Variants in SYCP2L observed in about 807,000 individuals in gnomAD.
SYCP2L encodes synaptonemal complex protein 2-like.
SYCP2L carries 98 observed loss-of-function variants against 125.8 expected under a neutral mutation model. That is an observed-to-expected ratio of 0.78 (90% CI 0.66 to 0.92). The LOEUF (loss-of-function observed/expected upper bound fraction) is 0.92, where lower values mean the gene tolerates loss of function less well. Among genes scored for constraint, SYCP2L ranks in the 40% least tolerant of loss-of-function variants. The probability of loss-of-function intolerance (pLI) is 0.00; values close to 1 mark genes in which losing one functional copy is unlikely to be tolerated. For missense variants in SYCP2L, 842 were observed against 936.4 expected, an observed-to-expected ratio of 0.90 and a Z score of 1.32; for synonymous variants, 317 against 325.4, an observed-to-expected ratio of 0.97 and a Z score of 0.28.
intron 7 of SYCP2L, 53 bp downstream of exon 7, chr6:10,902,815 G>T (rs1234269558): frequency 7.5e-6 from 12 of 1,609,756 alleles, no homozygotes; most frequent in African/African-American, 1.3e-5. Context: ...CCTAAAAGAA[G>T]ATCGTACATA....
intron 15 of SYCP2L, 34 bp from the exon 16 acceptor site, chr6:10,926,305 A>G (rs1420067208): frequency 2.7e-6 from 4 of 1,500,746 alleles, no homozygotes; most frequent in African/African-American, 2.8e-5. Flanking sequence ...AAAGATGACT[A>G]CATTTCAAAG....
chr6:10,913,923 C>A (rs901149610), intron 14 of SYCP2L, among the ~76,000 whole-genome samples: 1 of 151,980 alleles, frequency 6.6e-6, no homozygotes, highest in African/African-American at 2.4e-5. Flanking sequence ...ACTCTGCCTC[C>A]CAGGTTCAAG....
At chr6:10,973,369 C>A (rs1781808427) in intron 29 of SYCP2L, among the ~76,000 whole-genome samples, 1 of 152,154 alleles carries the variant, frequency 6.6e-6, no homozygotes, top group African/African-American at 2.4e-5. Flanking sequence ...CCCGTCTCTA[C>A]TAAAAATACG....
At chr6:10,950,004 C>A (rs1235909989) in intron 23 of SYCP2L, among the ~76,000 whole-genome samples, 1 of 152,020 alleles carries the variant, frequency 6.6e-6, no homozygotes, top group Non-Finnish European at 1.5e-5. Context: ...AAGTTTTCGT[C>A]CCCTATTTCT....
At chr6:10,940,155 A>T (rs562521510) in intron 21 of SYCP2L, among the ~76,000 whole-genome samples, 16 of 152,340 alleles carry the variant, frequency 1.1e-4, no homozygotes, top group African/African-American at 3.4e-4. Flanking sequence ...ACCTGTCCAG[A>T]TAGCTATTAT....
intron 23 of SYCP2L, among the ~76,000 whole-genome samples, chr6:10,953,474 G>A (rs1480430595): frequency 1.3e-5 from 2 of 152,130 alleles, no homozygotes; most frequent in African/African-American, 4.8e-5. Flanking sequence ...GGCTATTTAG[G>A]TCTCTAAAGC....
chr6:10,923,421 T>C (rs1581827881), intron 14 of SYCP2L, among the ~76,000 whole-genome samples: 1 of 143,784 alleles, frequency 7.0e-6, no homozygotes, highest in Non-Finnish European at 1.5e-5. Flanking sequence ...AGGCTTGCTC[T>C]GTCACCCAGG....
chr6:10,903,911 C>T (rs1561682313), intron 8 of SYCP2L, among the ~76,000 whole-genome samples: 1 of 151,914 alleles, frequency 6.6e-6, no homozygotes, highest in Non-Finnish European at 1.5e-5. Flanking sequence ...AAATTAGTGA[C>T]TCATGGGAGA....
Position 10,911,279 on chromosome 6 carries a change from C to G in SYCP2L, c.918+410C>G, listed in dbSNP as rs919513415. 7.9e-5 allele frequency among the ~76,000 whole-genome samples: 12 copies of G among 152,136 alleles called. No homozygotes were observed. The East Asian group carries it at 2.1e-3, about 27-fold the overall frequency. ...ACTGGGGCCACTGTCCTTTCTCTCT[C>G]TCTCATTCTACCTTGCACTTTATAG... On this transcript the variant is annotated intron_variant, in intron 12 of 29. Coordinates refer to ENST00000283141, the MANE Select transcript of SYCP2L (RefSeq NM_001040274.3).
At chr6:10,962,419 T>C (rs1781610791) in intron 28 of SYCP2L, among the ~76,000 whole-genome samples, 1 of 150,642 alleles carries the variant, frequency 6.6e-6, no homozygotes, top group Non-Finnish European at 1.5e-5. Flanking sequence ...ACACACCATC[T>C]CCCTCTGTGT....
intron 8 of SYCP2L, among the ~76,000 whole-genome samples, chr6:10,905,518 C>T (rs993053754): frequency 3.9e-5 from 6 of 152,078 alleles, no homozygotes; most frequent in Admixed American, 6.6e-5. Context: ...TCTCGAACTC[C>T]GAACCTCAGG....
rs1472658311 is a variant in SYCP2L at position 10,912,825 on chromosome 6, T to C, written c.1012-42T>C. 6.2e-7 allele frequency: 1 copy of C among 1,609,204 alleles called. No homozygotes were observed. Among genetic ancestry groups the C allele is most frequent in the Non-Finnish European group, 8.5e-7 (1 of 1,175,928 alleles). On this transcript the variant is annotated intron_variant, in intron 13 of 29. Coordinates refer to ENST00000283141, the MANE Select transcript of SYCP2L (RefSeq NM_001040274.3). The surrounding 1 kb of genome is among the most constrained non-coding windows in gnomAD (Gnocchi z 4.1). ...TTTAGAGATCTTTTTTATGTAAGTATGTGTTTTGCACTCATGAATTTCACT... is the reference window on the plus strand; with the variant it reads ...TTTAGAGATCTTTTTTATGTAAGTACGTGTTTTGCACTCATGAATTTCACT...
At position 10,912,809 on chromosome 6, in the gene SYCP2L, C is replaced by CT; in HGVS notation, c.1011+50dup. ...TGGTTAGAACTAAGCCTTTAGAGAT[C>CT]TTTTTTATGTAAGTATGTGTTTTGC... On this transcript the variant is annotated intron_variant, in intron 13 of 29. Coordinates refer to ENST00000283141, the MANE Select transcript of SYCP2L (RefSeq NM_001040274.3). This position sits in a 1 kb window ranked among gnomAD's most constrained non-coding sequence, Gnocchi z 4.1. 1 of 1,607,970 alleles carries CT rather than the reference C, an allele frequency of 6.2e-7. No individual in the cohort carries two copies. The highest frequency in any genetic ancestry group is 8.5e-7 in the Non-Finnish European group (1 of 1,175,148).
intron 23 of SYCP2L, among the ~76,000 whole-genome samples, chr6:10,950,455 C>T (rs1218410296): frequency 6.6e-6 from 1 of 152,162 alleles, no homozygotes; most frequent in Non-Finnish European, 1.5e-5. Flanking sequence ...CTCACAATTC[C>T]TCTTTGCACC....
intron 8 of SYCP2L, among the ~76,000 whole-genome samples, chr6:10,905,550 C>T (rs1260138754): frequency 6.6e-6 from 1 of 152,202 alleles, no homozygotes; most frequent in Non-Finnish European, 1.5e-5. Flanking sequence ...TCTCGGCCTC[C>T]CAAACTGCTG....
At chr6:10,907,337 CAG>C (rs1164377851) in intron 9 of SYCP2L, among the ~76,000 whole-genome samples, 1 of 147,816 alleles carries the variant, frequency 6.8e-6, no homozygotes, top group Admixed American at 6.7e-5. Context: ...TCCAGGGTGA[CAG>C]AGTGAGACAA....
At chr6:10,956,559 A>G (rs1170604432) in intron 25 of SYCP2L, among the ~76,000 whole-genome samples, 3 of 152,202 alleles carry the variant, frequency 2.0e-5, no homozygotes, top group Non-Finnish European at 4.4e-5. Flanking sequence ...AAGTATTCCT[A>G]CCACCCCCCA....
intron 29 of SYCP2L, among the ~76,000 whole-genome samples, chr6:10,973,035 T>TA (rs1781801614): frequency 6.6e-6 from 1 of 152,174 alleles, no homozygotes; most frequent in Non-Finnish European, 1.5e-5. Context: ...GAATAGGTGT[T>TA]AGATAGGTAA....
At chr6:10,893,750 A>G (rs1780211902) in intron 2 of SYCP2L, 117 bp from the exon 3 acceptor site, 7 of 1,105,344 alleles carry the variant, frequency 6.3e-6, no homozygotes, top group Non-Finnish European at 9.1e-6. Context: ...TCTCCATTCT[A>G]TATTTACCCT....
Sources: allele counts gnomAD v4.1 joint callset (sites outside exome capture counted in the v4.1 genomes callset), GRCh38; gene constraint gnomAD v4.1.1; non-coding constraint Gnocchi (gnomAD v3.1); transcripts MANE v1.5; gene names NCBI Gene and HGNC (gene_info 2026-07-23, HGNC 2026-07-21).